Variants in ZHX2 observed in about 807,000 individuals in gnomAD.
ZHX2 encodes zinc fingers and homeoboxes 2.
A neutral mutation model predicts 21.9 loss-of-function variants in ZHX2; 6 were observed. That is an observed-to-expected ratio of 0.27 (90% CI 0.15 to 0.54). ZHX2 has a LOEUF of 0.54. Among genes scored for constraint, ZHX2 ranks in the 20% least tolerant of loss-of-function variants. The pLI, the probability that ZHX2 is intolerant of heterozygous loss-of-function variation, is 0.95. For missense variants in ZHX2, 908 were observed against 1,090.7 expected (o/e 0.83, Z 2.36); for synonymous variants, 434 against 437.1 (o/e 0.99, Z 0.09).
chr8:122,821,139 T>G (rs1367215946), intron 1 of ZHX2, among the ~76,000 whole-genome samples: 6 of 152,186 alleles, frequency 3.9e-5, no homozygotes. Flanking sequence ...GAATTCTAGA[T>G]TCTGGAGGAG....
chr8:122,922,474 T>G (rs1399603460), intron 2 of ZHX2, among the ~76,000 whole-genome samples: 1 of 152,192 alleles, frequency 6.6e-6, no homozygotes, highest in Non-Finnish European at 1.5e-5. Context: ...TCATAGCCAT[T>G]GCTCCTGTGA....
At chr8:122,847,430 A>G (rs1414461535) in intron 1 of ZHX2, among the ~76,000 whole-genome samples, 4 of 152,034 alleles carry the variant, frequency 2.6e-5, no homozygotes, top group Non-Finnish European at 5.9e-5. Context: ...GGTTTCTCCA[A>G]TTGGGAGCAC....
chr8:122,971,611 C>CAAAAAAAAAAAAAA lies in ZHX2; in HGVS notation c.*5-1623_*5-1610dup, dbSNP rs56331425. 1.2e-3 allele frequency among the ~76,000 whole-genome samples: 95 copies of CAAAAAAAAAAAAAA among 81,776 alleles called. 2 individuals carry two copies. The highest frequency in any genetic ancestry group is 3.6e-3 in the African/African-American group (78 of 21,462). 53.6% of individuals were successfully genotyped at this position (81,776 alleles called of 152,430 possible). The stretch of plus-strand genomic sequence containing the variant: ...ACTCTCCTTGCTGTTGGCCCCTGTA[C>CAAAAAAAAAAAAAA]AAAAAAAAAAAAAAAAAAAAATTCC... On this transcript the variant is annotated intron_variant, in intron 3 of 3. Transcript: ENST00000314393.
chr8:122,914,446 G>A (rs545128968), intron 2 of ZHX2, among the ~76,000 whole-genome samples: 7 of 152,298 alleles, frequency 4.6e-5, no homozygotes, highest in South Asian at 4.1e-4. Flanking sequence ...GGGCCCTTTC[G>A]GTTATTTCTC....
At chr8:122,872,355 G>C (rs897016658) in intron 2 of ZHX2, among the ~76,000 whole-genome samples, 1 of 152,172 alleles carries the variant, frequency 6.6e-6, no homozygotes, top group Non-Finnish European at 1.5e-5. Flanking sequence ...TCATGGACTA[G>C]ATATGAAAAC....
chr8:122,873,218 T>C (rs939430441), intron 2 of ZHX2, among the ~76,000 whole-genome samples: 1 of 152,206 alleles, frequency 6.6e-6, no homozygotes, highest in Non-Finnish European at 1.5e-5. Flanking sequence ...GCGGTAATTC[T>C]CAGAGCAGAC....
intron 1 of ZHX2, among the ~76,000 whole-genome samples, chr8:122,785,032 G>T (rs1817367069): frequency 6.6e-6 from 1 of 152,250 alleles, no homozygotes; most frequent in Admixed American, 6.5e-5. Flanking sequence ...GCCGACTGCG[G>T]GGAAGCACTC....
intron 2 of ZHX2, among the ~76,000 whole-genome samples, chr8:122,932,703 G>A (rs1821022805): frequency 6.6e-6 from 1 of 152,182 alleles, no homozygotes; most frequent in African/African-American, 2.4e-5. Flanking sequence ...GGGAATCCAG[G>A]ATAATCTCTC....
At chr8:122,955,520 A>G (rs909566219) in intron 3 of ZHX2, among the ~76,000 whole-genome samples, 3 of 152,208 alleles carry the variant, frequency 2.0e-5, no homozygotes, top group Admixed American at 2.0e-4. Context: ...GCAGCTGACA[A>G]ATAAATGAAA....
chr8:122,940,357 C>T (rs1021535415), intron 2 of ZHX2, among the ~76,000 whole-genome samples: 1 of 152,278 alleles, frequency 6.6e-6, no homozygotes, highest in South Asian at 2.1e-4. Context: ...ATTCGGGGCT[C>T]CCGGTTCACA....
chr8:122,787,195 C>G (rs1156448452), intron 1 of ZHX2, among the ~76,000 whole-genome samples: 1 of 151,908 alleles, frequency 6.6e-6, no homozygotes, highest in African/African-American at 2.4e-5. Context: ...ATAGAGACAC[C>G]AGGGCCAGAA....
At chr8:122,795,456 C>G in intron 1 of ZHX2, among the ~76,000 whole-genome samples, 1 of 152,186 alleles carries the variant, frequency 6.6e-6, no homozygotes, top group Non-Finnish European at 1.5e-5. Context: ...CCCTTGTTTC[C>G]TCTTGGGAGC....
chr8:122,958,518 G>A (rs1813363317), intron 3 of ZHX2, among the ~76,000 whole-genome samples: 1 of 152,182 alleles, frequency 6.6e-6, no homozygotes, highest in Admixed American at 6.5e-5. Context: ...TGCCTTCTAA[G>A]CACGTCTACT....
intron 3 of ZHX2, among the ~76,000 whole-genome samples, chr8:122,961,055 G>C (rs993537694): frequency 2.0e-5 from 3 of 152,224 alleles, no homozygotes; most frequent in Non-Finnish European, 4.4e-5. Context: ...AAGGCTGCCA[G>C]AACAGAATGT....
intron 2 of ZHX2, among the ~76,000 whole-genome samples, chr8:122,905,325 A>G (rs1289775077): frequency 1.3e-5 from 2 of 152,276 alleles, no homozygotes; most frequent in East Asian, 3.8e-4. Context: ...TGCAGTATGC[A>G]CAGCACCAGA....
At chr8:122,910,602 T>C (rs1820453700) in intron 2 of ZHX2, among the ~76,000 whole-genome samples, 1 of 152,206 alleles carries the variant, frequency 6.6e-6, no homozygotes, top group Non-Finnish European at 1.5e-5. Context: ...CAGCTTGTTG[T>C]GGCATTTTTT....
intron 2 of ZHX2, among the ~76,000 whole-genome samples, chr8:122,874,698 G>A (rs531184016): frequency 6.6e-6 from 1 of 152,140 alleles, no homozygotes; most frequent in African/African-American, 2.4e-5. Flanking sequence ...GAAAACAGAG[G>A]CACCTAAAAG....
At chr8:122,939,847 G>T (rs546711106) in intron 2 of ZHX2, among the ~76,000 whole-genome samples, 1 of 152,232 alleles carries the variant, frequency 6.6e-6, no homozygotes, top group Non-Finnish European at 1.5e-5. Flanking sequence ...GAAAGGCGCT[G>T]TAGAGGAAAA....
chr8:122,945,640 T>C (rs1812956488), intron 2 of ZHX2, among the ~76,000 whole-genome samples: 1 of 152,078 alleles, frequency 6.6e-6, no homozygotes, highest in South Asian at 2.1e-4. Flanking sequence ...CCATGTAACA[T>C]GCACTTGTCA....
Sources: gnomAD v4.1 joint callset for allele counts (sites outside exome capture counted in the v4.1 genomes callset) on GRCh38, gnomAD v4.1.1 for gene constraint, MANE v1.5 for transcripts, NCBI Gene and HGNC (gene_info 2026-07-23, HGNC 2026-07-21) for gene names.